DCLK1: variants seen among roughly 807,000 people sequenced by gnomAD.
The protein encoded by DCLK1 is doublecortin like kinase 1, also known as serine/threonine-protein kinase DCLK1.
Under a neutral mutation model 86.2 loss-of-function variants are expected in DCLK1, and 16 were observed. The ratio of observed to expected loss-of-function variants is 0.19; its 90% CI spans 0.13 to 0.28. The LOEUF (loss-of-function observed/expected upper bound fraction) is 0.28, where lower values mean the gene tolerates loss of function less well. Ranked by LOEUF, DCLK1 falls within the 10% of genes least tolerant of loss-of-function variation. DCLK1 has a pLI of 1.00. For missense variants in DCLK1, 590 were observed against 940.2 expected (o/e 0.63, Z 4.87); for synonymous variants, 369 against 370.5 (o/e 1.00, Z 0.05).
intron 3 of DCLK1, among the ~76,000 whole-genome samples, chr13:36,101,737 T>A (rs112121915): frequency 6.6e-6 from 1 of 151,460 alleles, no homozygotes; most frequent in African/African-American, 2.4e-5. Flanking sequence ...TTTTTATTTA[T>A]TTAATTTTTT....
chr13:35,877,868 T>C (rs1872675164), intron 4 of DCLK1, among the ~76,000 whole-genome samples: 1 of 152,200 alleles, frequency 6.6e-6, no homozygotes, highest in Non-Finnish European at 1.5e-5. Context: ...CCAGAGGCAT[T>C]TTATAAAAAT....
At chr13:35,958,064 T>TATA (rs1878137451) in intron 3 of DCLK1, among the ~76,000 whole-genome samples, 1 of 6,496 alleles carries the variant, frequency 1.5e-4, no homozygotes, top group African/African-American at 7.2e-4. Context: ...CTATAACCAC[T>TATA]AGCACCACCA....
intron 15 of DCLK1, among the ~76,000 whole-genome samples, chr13:35,800,646 T>C (rs999864505): frequency 2.0e-5 from 3 of 151,996 alleles, no homozygotes; most frequent in African/African-American, 7.2e-5. Flanking sequence ...GCGGAGTAGG[T>C]TTTCCTTTCT....
At chr13:36,070,167 A>T (rs558408256) in intron 3 of DCLK1, among the ~76,000 whole-genome samples, 1 of 152,322 alleles carries the variant, frequency 6.6e-6, no homozygotes, top group African/African-American at 2.4e-5. Flanking sequence ...TAAATCCAAA[A>T]ACATCCTAAA....
intron 3 of DCLK1, among the ~76,000 whole-genome samples, chr13:36,032,165 G>A (rs374072365): frequency 4.2e-5 from 6 of 141,216 alleles, no homozygotes; most frequent in African/African-American, 1.1e-4. Context: ...TTTTTGAGAC[G>A]GATTCTTGCT....
intron 14 of DCLK1, among the ~76,000 whole-genome samples, 198 bp downstream of exon 14, chr13:35,808,026 T>C (rs2087064605): frequency 6.6e-6 from 1 of 152,218 alleles, no homozygotes; most frequent in Non-Finnish European, 1.5e-5. Flanking sequence ...ATGGAGACAC[T>C]TGATAAGTAC....
At chr13:35,807,208 C>A (rs150881740) in intron 14 of DCLK1, among the ~76,000 whole-genome samples, 1 of 152,242 alleles carries the variant, frequency 6.6e-6, no homozygotes, top group Non-Finnish European at 1.5e-5. Context: ...GTTGATTTAT[C>A]ATAAATATTA....
intron 4 of DCLK1, among the ~76,000 whole-genome samples, chr13:35,921,532 C>CT (rs1875803598): frequency 6.6e-6 from 1 of 152,170 alleles, no homozygotes; most frequent in African/African-American, 2.4e-5. Flanking sequence ...CTTGTATGTC[C>CT]TTTTTCATAG....
At chr13:35,843,512 A>C (rs1869968846) in intron 6 of DCLK1, among the ~76,000 whole-genome samples, 1 of 152,230 alleles carries the variant, frequency 6.6e-6, no homozygotes, top group African/African-American at 2.4e-5. Context: ...CATTTTATCA[A>C]GATGTATCTG....
chr13:36,066,807 A>T (rs1321493039), intron 3 of DCLK1, among the ~76,000 whole-genome samples: 5 of 152,230 alleles, frequency 3.3e-5, no homozygotes, highest in African/African-American at 1.2e-4. Context: ...ACATGAAAAA[A>T]TGCTCACCAT....
At chr13:36,018,128 C>G (rs1881615931) in intron 3 of DCLK1, among the ~76,000 whole-genome samples, 1 of 152,078 alleles carries the variant, frequency 6.6e-6, no homozygotes, top group Non-Finnish European at 1.5e-5. Flanking sequence ...TTTATTTGAC[C>G]AAGGAACTTA....
chr13:35,845,220 C>G (rs1311665700), intron 6 of DCLK1, among the ~76,000 whole-genome samples: 1 of 152,168 alleles, frequency 6.6e-6, no homozygotes, highest in East Asian at 1.9e-4. Context: ...TGCACTCCAG[C>G]CTCGGCAACA....
In DCLK1 at chr13:35,768,850, C is replaced by T. The variant is rs185226662; in HGVS notation, c.*5685G>A. 5.3e-5 allele frequency: 8 copies of T among 152,314 alleles called. No homozygotes were observed. Among genetic ancestry groups the T allele is most frequent in the Non-Finnish European group, 1.0e-4 (7 of 68,034 alleles). The allele number at this position is 152,314 out of a possible 1,614,324, so 9.4% of individuals were successfully genotyped here. A position where few individuals can be genotyped will look rare whatever the true frequency, so the allele number is the denominator to read the frequency against. On this transcript the variant is annotated 3_prime_UTR_variant, in exon 17 of 17. Transcript: ENST00000360631. ...AAGCCTTGCATAGAGAGAATTCCCC[C>T]TAAGAACACAGCTGGGCTATTCCTT...
intron 3 of DCLK1, among the ~76,000 whole-genome samples, chr13:36,019,910 A>C (rs1881698454): frequency 6.6e-6 from 1 of 152,186 alleles, no homozygotes; most frequent in Non-Finnish European, 1.5e-5. Flanking sequence ...TTCGATCTCC[A>C]ATATTGAAGG....
At chr13:36,050,354 G>T (rs1264989701) in intron 3 of DCLK1, among the ~76,000 whole-genome samples, 1 of 152,048 alleles carries the variant, frequency 6.6e-6, no homozygotes, top group Non-Finnish European at 1.5e-5. Context: ...TCATTGAACA[G>T]AATTTTTAAC....
chr13:35,873,129 C>T (rs916984422), intron 4 of DCLK1, among the ~76,000 whole-genome samples: 1 of 151,806 alleles, frequency 6.6e-6, no homozygotes, highest in Non-Finnish European at 1.5e-5. Context: ...GAAACCCTGC[C>T]TCTACTAAAA....
chr13:35,891,577 A>G (rs1342180733), intron 4 of DCLK1, among the ~76,000 whole-genome samples: 1 of 152,202 alleles, frequency 6.6e-6, no homozygotes, highest in East Asian at 1.9e-4. Flanking sequence ...AATGTACTAA[A>G]AACCATCGAA....
chr13:36,084,875 T>C (rs1420176033), intron 3 of DCLK1, among the ~76,000 whole-genome samples: 1 of 152,210 alleles, frequency 6.6e-6, no homozygotes, highest in Admixed American at 6.5e-5. Context: ...AGAAATAAAA[T>C]TGTTATACCA....
chr13:36,080,067 C>T (rs1884366895), intron 3 of DCLK1, among the ~76,000 whole-genome samples: 1 of 151,854 alleles, frequency 6.6e-6, no homozygotes, highest in Non-Finnish European at 1.5e-5. Flanking sequence ...ACTATAAAAG[C>T]TTCATATTAT....
Sources: gnomAD v4.1 joint callset for allele counts (sites outside exome capture counted in the v4.1 genomes callset) on GRCh38, gnomAD v4.1.1 for gene constraint, MANE v1.5 for transcripts, NCBI Gene and HGNC (gene_info 2026-07-23, HGNC 2026-07-21) for gene names.